The following HACE1 variants were observed in gnomAD, a reference collection of about 807,000 sequenced individuals.
HACE1 encodes HECT domain and ankyrin repeat containing E3 ubiquitin protein ligase 1, also known as E3 ubiquitin-protein ligase HACE1.
HACE1 carries 73 observed loss-of-function variants against 118.4 expected under a neutral mutation model. That is an observed-to-expected ratio of 0.62 (90% CI 0.51 to 0.75). The LOEUF (loss-of-function observed/expected upper bound fraction) is 0.75, where lower values mean the gene tolerates loss of function less well. HACE1 is among the 30% of genes least tolerant of loss of function. The pLI is 0.00. For synonymous variants in HACE1, 368 were observed against 374.8 expected (o/e 0.98, Z 0.21); for missense variants, 749 against 1,102.2 (o/e 0.68, Z 4.54).
At chr6:104,792,877 T>C (rs1425346841) in intron 10 of HACE1, among the ~76,000 whole-genome samples, 13 of 152,200 alleles carry the variant, frequency 8.5e-5, no homozygotes, top group Admixed American at 8.5e-4. Context: ...CTGCTCTTTC[T>C]ACCCAATAAA....
At chr6:104,804,524 T>C (rs1055059990) in intron 7 of HACE1, among the ~76,000 whole-genome samples, 1 of 152,008 alleles carries the variant, frequency 6.6e-6, no homozygotes, top group Non-Finnish European at 1.5e-5. Flanking sequence ...TATAGACCAA[T>C]GGAACAGAAT....
chr6:104,746,504 C>A (rs1210487948), intron 20 of HACE1, among the ~76,000 whole-genome samples: 2 of 152,180 alleles, frequency 1.3e-5, no homozygotes, highest in South Asian at 2.1e-4. Context: ...TCTGCTCCCC[C>A]ACTGCTTCAG....
chr6:104,845,337 C>T (rs1775549310), intron 4 of HACE1, among the ~76,000 whole-genome samples: 1 of 151,976 alleles, frequency 6.6e-6, no homozygotes, highest in Admixed American at 6.6e-5. Flanking sequence ...CTAAAATTCT[C>T]ATTGATTGAA....
chr6:104,743,998 T>A (rs1039153990), intron 22 of HACE1, among the ~76,000 whole-genome samples, 162 bp downstream of exon 22: 1 of 152,146 alleles, frequency 6.6e-6, no homozygotes, highest in Non-Finnish European at 1.5e-5. Flanking sequence ...AAATGTCTTA[T>A]CTTTAATACC....
At chr6:104,780,290 A>G in intron 14 of HACE1, 1 of 418,966 alleles carries the variant, frequency 2.4e-6, no homozygotes, top group Non-Finnish European at 4.7e-6. Flanking sequence ...AAACACACAC[A>G]CACACATACA....
chr6:104,802,129 C>A (rs1199358919), intron 7 of HACE1, among the ~76,000 whole-genome samples: 1 of 150,772 alleles, frequency 6.6e-6, no homozygotes, highest in African/African-American at 2.4e-5. Flanking sequence ...AAGGACATTA[C>A]ATAATGGTAA....
chr6:104,733,228 T>C (rs749379930), intron 22 of HACE1, among the ~76,000 whole-genome samples: 1 of 152,224 alleles, frequency 6.6e-6, no homozygotes, highest in Non-Finnish European at 1.5e-5. Flanking sequence ...AGTATTTCAA[T>C]ATCAATATGA....
chr6:104,743,499 A>G (rs538984041), intron 22 of HACE1, among the ~76,000 whole-genome samples: 1 of 152,128 alleles, frequency 6.6e-6, no homozygotes, highest in South Asian at 2.1e-4. Flanking sequence ...ATGTACATTT[A>G]TAATGAAAAA....
rs550704288 is a variant in HACE1 at position 104,796,226 on chromosome 6, T to C, written c.816+429A>G. Among the ~76,000 whole-genome samples the C allele has an allele frequency of 8.8e-4, 134 of 152,274 alleles. 2 individuals carry two copies. Among genetic ancestry groups the C allele is most frequent in the African/African-American group, 3.2e-3 (133 of 41,554 alleles). ...CCTGGGCTCAATCCCTCCTCCCAGCTCAGCCTCCCAAGTAGCTCAGACTAC... is the reference window on the plus strand; with the variant it reads ...CCTGGGCTCAATCCCTCCTCCCAGCCCAGCCTCCCAAGTAGCTCAGACTAC... On this transcript the variant is annotated intron_variant, in intron 9 of 23. Coordinates refer to ENST00000262903, the MANE Select transcript of HACE1 (RefSeq NM_020771.4).
At chr6:104,851,058 A>C in intron 2 of HACE1, 62 bp from the exon 3 acceptor site, 1 of 915,498 alleles carries the variant, frequency 1.1e-6, no homozygotes, top group Non-Finnish European at 1.8e-6. Flanking sequence ...ATAATAAATC[A>C]AGTTAACAAC....
chr6:104,756,970 G>T (rs1031734206), intron 19 of HACE1, among the ~76,000 whole-genome samples: 1 of 152,216 alleles, frequency 6.6e-6, no homozygotes. Flanking sequence ...ATTGACCTGG[G>T]TCGCTGGACC....
chr6:104,749,907 T>C (rs1777853675), intron 20 of HACE1, among the ~76,000 whole-genome samples: 1 of 152,032 alleles, frequency 6.6e-6, no homozygotes, highest in Admixed American at 6.6e-5. Flanking sequence ...TATATGGCAA[T>C]ATAAGAAACT....
chr6:104,810,430 GAA>G (rs1771475241), intron 7 of HACE1, among the ~76,000 whole-genome samples: 1 of 151,996 alleles, frequency 6.6e-6, no homozygotes, highest in Non-Finnish European at 1.5e-5. Context: ...AAAAAAAGAA[GAA>G]GAGAGGAGCT....
chr6:104,805,111 T>C (rs1770845658), intron 7 of HACE1, among the ~76,000 whole-genome samples: 1 of 152,170 alleles, frequency 6.6e-6, no homozygotes, highest in Non-Finnish European at 1.5e-5. Context: ...AAAATGCTCA[T>C]CGTCACTGGT....
intron 11 of HACE1, chr6:104,785,574 C>T (rs1782298643): frequency 5.1e-6 from 2 of 394,084 alleles, no homozygotes; most frequent in African/African-American, 4.1e-5. Flanking sequence ...AAAGGAAAAA[C>T]TAAATCTAAC....
intron 17 of HACE1, among the ~76,000 whole-genome samples, chr6:104,774,487 A>G (rs1283116222): frequency 6.6e-6 from 1 of 151,378 alleles, no homozygotes; most frequent in African/African-American, 2.4e-5. Flanking sequence ...TGGGTTCAAG[A>G]GATTCTCCTC....
Position 104,750,334 on chromosome 6 carries a change from T to C in HACE1, c.2343+7A>G. On this transcript the variant is annotated splice_region_variant and intron_variant, in intron 20 of 23. Transcript: ENST00000262903. The stretch of plus-strand genomic sequence containing the variant: ...GTTACAACATAAGAACTGATGTTTT[T>C]CCTTACCAATTCATATTCATCAAAA... 6.2e-7 allele frequency: 1 copy of C among 1,611,050 alleles called. No individual in the cohort carries two copies. Among genetic ancestry groups the C allele is most frequent in the Non-Finnish European group, 8.5e-7 (1 of 1,177,572 alleles).
intron 14 of HACE1, among the ~76,000 whole-genome samples, chr6:104,782,658 A>T (rs1177271480): frequency 6.6e-6 from 1 of 152,204 alleles, no homozygotes; most frequent in Admixed American, 6.5e-5. Flanking sequence ...AAAATCATTC[A>T]TGGAAGCAAA....
intron 5 of HACE1, among the ~76,000 whole-genome samples, chr6:104,839,535 T>C (rs1355874209): frequency 6.6e-6 from 1 of 152,162 alleles, no homozygotes; most frequent in Admixed American, 6.5e-5. Flanking sequence ...AAGGGAAAGG[T>C]ATGGTTATAA....
Sources: gnomAD v4.1 joint callset for allele counts (sites outside exome capture counted in the v4.1 genomes callset) on GRCh38, gnomAD v4.1.1 for gene constraint, MANE v1.5 for transcripts, NCBI Gene and HGNC (gene_info 2026-07-23, HGNC 2026-07-21) for gene names.